The following SRGAP1 variants were observed in gnomAD, a reference collection of about 807,000 sequenced individuals.
SRGAP1 encodes SLIT-ROBO Rho GTPase activating protein 1.
A neutral mutation model predicts 121.9 loss-of-function variants in SRGAP1; 43 were observed. The observed-to-expected ratio is 0.35, with a 90% CI of 0.28 to 0.46. The LOEUF is 0.46. SRGAP1 is among the 20% of genes least tolerant of loss of function. The pLI, the probability that SRGAP1 is intolerant of heterozygous loss-of-function variation, is 1.00. For synonymous variants in SRGAP1, 447 were observed against 485.4 expected (o/e 0.92, Z 1.04); for missense variants, 1,102 against 1,350.9 (o/e 0.82, Z 2.89).
chr12:64,117,134 G>A (rs1043341849), intron 18 of SRGAP1, among the ~76,000 whole-genome samples: 1 of 152,138 alleles, frequency 6.6e-6, no homozygotes, highest in Non-Finnish European at 1.5e-5. Context: ...GTTGGTGTTT[G>A]GAAAGTTTGC....
chr12:63,951,950 G>A lies in SRGAP1; in HGVS notation c.68-31997G>A, dbSNP rs550083386. ...TGGGTTTGTGTGTGTGTGTGGAGGT[G>A]GGGGTAGGTTAAGTGTGATTTAGCC... is the stretch of plus-strand genomic sequence containing the variant. On this transcript the variant is annotated intron_variant, in intron 1 of 21. Coordinates refer to ENST00000355086, the MANE Select transcript of SRGAP1 (RefSeq NM_020762.4). Among the ~76,000 whole-genome samples the A allele has an allele frequency of 3.3e-5, 5 of 152,232 alleles. No individual in the cohort carries two copies. The East Asian group carries it at 9.6e-4, about 29-fold the overall frequency.
chr12:63,909,134 C>T (rs913430656), intron 1 of SRGAP1, among the ~76,000 whole-genome samples: 8 of 151,798 alleles, frequency 5.3e-5, no homozygotes, highest in South Asian at 2.1e-4. Context: ...GTGATCCACT[C>T]GCCTCAGCCT....
At chr12:64,140,064 T>G (rs1565698481) in intron 21 of SRGAP1, among the ~76,000 whole-genome samples, 1 of 149,690 alleles carries the variant, frequency 6.7e-6, no homozygotes, top group Non-Finnish European at 1.5e-5. Context: ...ATATGTGGCG[T>G]TATTTCTGAG....
In SRGAP1 at chr12:64,147,531, C is replaced by T. The variant is rs534185004; in HGVS notation, c.*4859C>T. Reference sequence around the variant, plus strand: ...GTTTTCCTTGTAGACGTGATTGTGCCTTTCTCACCCCTGTGTCCTCCCATC... The same window carrying T: ...GTTTTCCTTGTAGACGTGATTGTGCTTTTCTCACCCCTGTGTCCTCCCATC... On this transcript the variant is annotated 3_prime_UTR_variant, in exon 22 of 22. Coordinates refer to ENST00000355086, the MANE Select transcript of SRGAP1 (RefSeq NM_020762.4). 1.2e-4 allele frequency: 47 copies of T among 398,868 alleles called. No homozygotes were observed. The highest frequency in any genetic ancestry group is 8.8e-4 in the African/African-American group (43 of 48,662). 24.7% of individuals were successfully genotyped at this position (398,868 alleles called of 1,614,324 possible). A position where few individuals can be genotyped will look rare whatever the true frequency, so the allele number is the denominator to read the frequency against.
At chr12:63,983,797 A>AATATATATATATATATATATAT in intron 1 of SRGAP1, 150 bp from the exon 2 acceptor site, 1 of 64,758 alleles carries the variant, frequency 1.5e-5, no homozygotes, top group Non-Finnish European at 2.7e-5. Context: ...ATACATTTAA[A>AATATATATATATATATATATAT]ATATATATAT....
At chr12:64,076,376 G>C (rs997474243) in intron 8 of SRGAP1, among the ~76,000 whole-genome samples, 1 of 152,124 alleles carries the variant, frequency 6.6e-6, no homozygotes, top group African/African-American at 2.4e-5. Flanking sequence ...GCCAAGCTTA[G>C]ATTTCATCAG....
chr12:63,845,063 C>T (rs1315832709), intron 1 of SRGAP1, among the ~76,000 whole-genome samples, 180 bp downstream of exon 1: 1 of 152,104 alleles, frequency 6.6e-6, no homozygotes, highest in South Asian at 2.1e-4. Flanking sequence ...ATCCCAGTCC[C>T]GTCAAACCCA....
rs1258847692 is a variant in SRGAP1, at chr12:63,900,209, T to TTTTCTTTTTC, written c.67+55329_67+55330insCTTTTTCTTT. ...TTCTTTTTCTTTTTCTTTTTCTTTT[T>TTTTCTTTTTC]TTTTTTTTTTTTTTGAGGTGGAGCC... On this transcript the variant is annotated intron_variant, in intron 1 of 21. Transcript: ENST00000355086. Among the ~76,000 whole-genome samples the TTTTCTTTTTC allele has an allele frequency of 9.0e-5, 12 of 133,158 alleles. No individual in the cohort carries two copies. In the South Asian group the frequency reaches 1.4e-3, roughly 16 times the overall value. The allele number at this position is 133,158 out of a possible 152,430, so 87.4% of individuals were successfully genotyped here.
At position 64,119,359 on chromosome 12, in the gene SRGAP1, C is replaced by T. The variant is rs58730078; in HGVS notation, c.2224+3466C>T. The stretch of plus-strand genomic sequence containing the variant: ...TAATTCTTGGCTCTTTGCAATTCCA[C>T]TTAAATTTTAGACTCAGTTTTTCAA... On this transcript the variant is annotated intron_variant, in intron 18 of 21. Coordinates refer to ENST00000355086, the MANE Select transcript of SRGAP1 (RefSeq NM_020762.4). 2.0e-3 allele frequency among the ~76,000 whole-genome samples: 298 copies of T among 152,290 alleles called. 1 individual carries two copies. The highest frequency in any genetic ancestry group is 6.7e-3 in the African/African-American group (278 of 41,544).
At chr12:64,122,458 G>A (rs2036618544) in intron 18 of SRGAP1, among the ~76,000 whole-genome samples, 1 of 152,166 alleles carries the variant, frequency 6.6e-6, no homozygotes, top group Non-Finnish European at 1.5e-5. Flanking sequence ...GGAGTAGAAA[G>A]AGTAAAAATA....
intron 1 of SRGAP1, among the ~76,000 whole-genome samples, chr12:63,870,937 C>A (rs546979350): frequency 6.6e-6 from 1 of 152,138 alleles, no homozygotes; most frequent in African/African-American, 2.4e-5. Flanking sequence ...TCTATCTCTT[C>A]TCTTGATTTT....
chr12:64,140,101 A>G (rs1306532563), intron 21 of SRGAP1, among the ~76,000 whole-genome samples: 1 of 146,992 alleles, frequency 6.8e-6, no homozygotes, highest in Non-Finnish European at 1.5e-5. Flanking sequence ...ATTGATCTAT[A>G]TCTCTGTTTT....
chr12:63,936,676 G>A (rs560735878), intron 1 of SRGAP1, among the ~76,000 whole-genome samples: 5 of 152,162 alleles, frequency 3.3e-5, no homozygotes, highest in South Asian at 4.1e-4. Flanking sequence ...AGTTTCTTCC[G>A]TTTTACTTAT....
intron 1 of SRGAP1, among the ~76,000 whole-genome samples, chr12:63,845,110 T>G (rs1898858991): frequency 6.6e-6 from 1 of 152,198 alleles, no homozygotes; most frequent in Admixed American, 6.6e-5. Flanking sequence ...CCCCGCCAGC[T>G]GCCAGCCCGC....
intron 11 of SRGAP1, among the ~76,000 whole-genome samples, chr12:64,090,505 T>C (rs1453201877): frequency 6.6e-6 from 1 of 152,208 alleles, no homozygotes; most frequent in Non-Finnish European, 1.5e-5. Flanking sequence ...TAAAATTCCA[T>C]TACTGCTGGA....
intron 4 of SRGAP1, among the ~76,000 whole-genome samples, chr12:64,041,809 A>T (rs916440832): frequency 2.0e-5 from 3 of 151,410 alleles, no homozygotes; most frequent in African/African-American, 7.3e-5. Context: ...AAAGGCTGGA[A>T]GGCTTTATAC....
At chr12:63,865,158 C>G (rs1414231181) in intron 1 of SRGAP1, among the ~76,000 whole-genome samples, 1 of 152,018 alleles carries the variant, frequency 6.6e-6, no homozygotes, top group East Asian at 1.9e-4. Context: ...ATAAGTTTTT[C>G]TGAGTAAAAA....
At chr12:64,003,066 G>A (rs1232847640) in intron 3 of SRGAP1, among the ~76,000 whole-genome samples, 6 of 144,012 alleles carry the variant, frequency 4.2e-5, no homozygotes, top group African/African-American at 1.3e-4. Context: ...GAGAAAGAAA[G>A]GGAGGGAGGG....
chr12:64,137,067 C>T (rs1465263598), intron 21 of SRGAP1, among the ~76,000 whole-genome samples: 1 of 152,108 alleles, frequency 6.6e-6, no homozygotes, highest in East Asian at 1.9e-4. Flanking sequence ...AGTTTGAGAC[C>T]AGCCTGGCCA....
Sources: allele counts gnomAD v4.1 joint callset (sites outside exome capture counted in the v4.1 genomes callset), GRCh38; gene constraint gnomAD v4.1.1; transcripts MANE v1.5; gene names NCBI Gene and HGNC (gene_info 2026-07-23, HGNC 2026-07-21).